Variants in FRY observed in about 807,000 individuals in gnomAD.
The protein encoded by FRY is FRY microtubule binding protein.
In FRY, 128 loss-of-function variants were observed where a neutral mutation model predicts 348.4. That is an observed-to-expected ratio of 0.37 (90% CI 0.32 to 0.43). The LOEUF is 0.43. Ranked by LOEUF, FRY falls within the 20% of genes least tolerant of loss-of-function variation. The pLI, the probability that FRY is intolerant of heterozygous loss-of-function variation, is 1.00. For synonymous variants in FRY, 1,370 were observed against 1,374.7 expected (o/e 1.00, Z 0.08); for missense variants, 2,736 against 3,695.2 (o/e 0.74, Z 6.73).
At chr13:32,083,112 T>A (rs1875608070) in intron 2 of FRY, among the ~76,000 whole-genome samples, 1 of 152,164 alleles carries the variant, frequency 6.6e-6, no homozygotes, top group Non-Finnish European at 1.5e-5. Context: ...TGCATATCTT[T>A]TTACCCATCT....
intron 23 of FRY, among the ~76,000 whole-genome samples, chr13:32,182,572 T>G (rs1016128678): frequency 3.9e-5 from 6 of 152,234 alleles, no homozygotes; most frequent in Non-Finnish European, 8.8e-5. Context: ...GGGCTCAATT[T>G]TATTTATCTT....
At chr13:32,133,768 C>CT (rs34413710) in intron 8 of FRY, among the ~76,000 whole-genome samples, 7,757 of 89,274 alleles carry the variant, frequency 0.087, 490 homozygotes, top group Non-Finnish European at 0.11. Context: ...TTCTTTCTTT[C>CT]TTTTTTTTTT....
rs973157546 is a variant in FRY at position 32,194,163 on chromosome 13, A to G, written c.3612A>G (p.Glu1204=). The stretch of plus-strand genomic sequence containing the variant: ...TTCAGGTTCATCAACTTGGCTGCGA[A>G]GTTGTTGTCTTGCTACTGGAACTTA... The part of the protein sequence containing the change: ...QDLRVHQLGC[E]VVVLLLELNP... The change falls in exon 29 of 61, where the codon GAA becomes GAG. Residue 1204 remains glutamate, a synonymous_variant. Transcript: ENST00000542859. 1.2e-6 allele frequency: 2 copies of G among 1,614,064 alleles called. No individual in the cohort carries two copies. The highest frequency in any genetic ancestry group is 3.3e-5 in the Admixed American group (2 of 60,022).
chr13:32,045,254 C>A (rs1872961425), intron 1 of FRY, among the ~76,000 whole-genome samples: 1 of 152,126 alleles, frequency 6.6e-6, no homozygotes, highest in Non-Finnish European at 1.5e-5. Flanking sequence ...TGTTGTTCAT[C>A]CAAATTGCTG....
intron 22 of FRY, 30 bp from the exon 23 acceptor site, chr13:32,179,645 T>C (rs1882582648): frequency 6.2e-7 from 1 of 1,613,016 alleles, no homozygotes; most frequent in Non-Finnish European, 8.5e-7. Flanking sequence ...CCATGTTACC[T>C]CTTTTTCACT....
intron 28 of FRY, among the ~76,000 whole-genome samples, chr13:32,190,520 G>A (rs1883279426): frequency 6.6e-6 from 1 of 152,006 alleles, no homozygotes; most frequent in Non-Finnish European, 1.5e-5. Flanking sequence ...AGCAACGATG[G>A]GGAGCTGGAA....
At chr13:32,090,474 G>A (rs1876222776) in intron 2 of FRY, among the ~76,000 whole-genome samples, 2 of 152,150 alleles carry the variant, frequency 1.3e-5, no homozygotes, top group African/African-American at 4.8e-5. Flanking sequence ...GAAGGGAAGG[G>A]TGGAAGACAG....
Position 32,208,868 on chromosome 13 carries a change from T to TC in FRY, c.4038dup (p.Thr1347HisfsTer48). On this transcript the variant is annotated frameshift_variant, in exon 32 of 61. Coordinates refer to ENST00000542859, the MANE Select transcript of FRY (RefSeq NM_023037.3). LOFTEE classifies it high-confidence loss of function. ...TTCTCTTTAGAGGTAAGCCAGCGATTCCCCACAACACACCCCAACGGGCGC... is the reference window on the plus strand; with the variant it reads ...TTCTCTTTAGAGGTAAGCCAGCGATTCCCCCACAACACACCCCAACGGGCGC... 5 of 1,614,044 alleles carry TC rather than the reference T, an allele frequency of 3.1e-6. No homozygotes were observed. The highest frequency in any genetic ancestry group is 4.2e-6 in the Non-Finnish European group (5 of 1,179,954).
chr13:32,261,129 A>G (rs1887621676), intron 51 of FRY, among the ~76,000 whole-genome samples: 1 of 152,226 alleles, frequency 6.6e-6, no homozygotes, highest in African/African-American at 2.4e-5. Context: ...ATAGGCTGGA[A>G]TGTTTACCTA....
Position 32,186,217 on chromosome 13 carries a change from G to A in FRY, c.3320-43G>A. On this transcript the variant is annotated intron_variant, in intron 26 of 60. Coordinates refer to ENST00000542859, the MANE Select transcript of FRY (RefSeq NM_023037.3). ...GAAATATATATAATAGCGATATACA[G>A]TATGTCCAGTCTTATAACCTCTAAG... is the stretch of plus-strand genomic sequence containing the variant. The A allele has an allele frequency of 2.2e-6, 3 of 1,384,828 alleles. No individual in the cohort carries two copies. In the South Asian group the frequency reaches 3.5e-5, roughly 16 times the overall value. 85.8% of individuals were successfully genotyped at this position (1,384,828 alleles called of 1,614,324 possible).
chr13:32,106,465 A>G (rs1184670286), intron 3 of FRY, among the ~76,000 whole-genome samples: 1 of 152,222 alleles, frequency 6.6e-6, no homozygotes, highest in Non-Finnish European at 1.5e-5. Context: ...TACAAATGGC[A>G]AATAAAGTAA....
Position 32,124,605 on chromosome 13 carries a change from C to G in FRY, c.559C>G (p.Pro187Ala). 1 of 1,577,102 alleles carries G rather than the reference C, an allele frequency of 6.3e-7. No individual in the cohort carries two copies. Among genetic ancestry groups the G allele is most frequent in the Non-Finnish European group, 8.7e-7 (1 of 1,148,344 alleles). The change falls in exon 6 of 61, where the codon CCA becomes GCA. Residue 187 changes from proline to alanine, a missense_variant. By Grantham distance (27) the Pro-to-Ala change is conservative. Coordinates refer to ENST00000542859, the MANE Select transcript of FRY (RefSeq NM_023037.3). ...AAGAACCACCTTTTTTTTTCAGATT[C>G]CACTTCATCCTGTAATAGACAGTTT... ...LVLIEVLKQI[P>A]LHPVIDSLIH...
chr13:32,082,369 G>A (rs1003549170), intron 2 of FRY, among the ~76,000 whole-genome samples: 1 of 152,032 alleles, frequency 6.6e-6, no homozygotes, highest in Non-Finnish European at 1.5e-5. Context: ...TTATGGATAA[G>A]TCAATAATTT....
chr13:32,072,395 T>G (rs1377477363), intron 1 of FRY, among the ~76,000 whole-genome samples: 2 of 152,248 alleles, frequency 1.3e-5, no homozygotes, highest in Non-Finnish European at 2.9e-5. Context: ...CATCTATCAC[T>G]TCGTTAAGCA....
chr13:32,293,718 G>A (rs1314715526), intron 59 of FRY, among the ~76,000 whole-genome samples: 1 of 152,138 alleles, frequency 6.6e-6, no homozygotes, highest in African/African-American at 2.4e-5. Flanking sequence ...ATCTTTTACT[G>A]CTGTAGCATT....
At chr13:32,091,024 A>T (rs1015593250) in intron 2 of FRY, among the ~76,000 whole-genome samples, 1 of 152,068 alleles carries the variant, frequency 6.6e-6, no homozygotes, top group Non-Finnish European at 1.5e-5. Flanking sequence ...AGTACCTTGG[A>T]TTTATTTGTG....
intron 36 of FRY, among the ~76,000 whole-genome samples, chr13:32,223,681 G>A (rs1885433744): frequency 6.6e-6 from 1 of 152,150 alleles, no homozygotes; most frequent in Admixed American, 6.5e-5. Context: ...AGCTACTTGG[G>A]AGGCTAAGAC....
intron 36 of FRY, 138 bp downstream of exon 36, chr13:32,218,969 A>G: frequency 3.0e-6 from 2 of 665,604 alleles, no homozygotes; most frequent in East Asian, 5.6e-5. Flanking sequence ...ACCTATGCAG[A>G]TGAGCATAGA....
chr13:32,031,864 T>A lies in FRY; in HGVS notation c.69T>A (p.Asn23Lys). The A allele has an allele frequency of 6.8e-7, 1 of 1,481,126 alleles. No homozygotes were observed. Among genetic ancestry groups the A allele is most frequent in the East Asian group, 2.3e-5 (1 of 44,302 alleles). The allele number at this position is 1,481,126 out of a possible 1,614,324, so 91.7% of individuals were successfully genotyped here. A position where few individuals can be genotyped will look rare whatever the true frequency, so the allele number is the denominator to read the frequency against. Residue 23 changes from asparagine to lysine, a missense_variant and splice_region_variant, in exon 1 of 61, where the codon AAT (asparagine) becomes AAA (lysine). By Grantham distance (94) the Asn-to-Lys change is moderately conservative. Coordinates refer to ENST00000542859, the MANE Select transcript of FRY (RefSeq NM_023037.3). ...SIKYLLKSWS[N>K]TSPVGNGYIK... ...AATATTTACTGAAATCCTGGAGTAA[T>A]AGTGAGTAATAGAAAATAACCTTTT...
Sources: allele counts gnomAD v4.1 joint callset (sites outside exome capture counted in the v4.1 genomes callset), GRCh38; gene constraint gnomAD v4.1.1; transcripts MANE v1.5; gene names NCBI Gene and HGNC (gene_info 2026-07-23, HGNC 2026-07-21).